Variants in SOX6 observed in about 807,000 individuals in gnomAD.
SOX6 encodes transcription factor SOX-6.
A neutral mutation model predicts 97.8 loss-of-function variants in SOX6; 11 were observed. The observed-to-expected ratio is 0.11, with a 90% CI of 0.07 to 0.19. The LOEUF (loss-of-function observed/expected upper bound fraction) is 0.19. Ranked by LOEUF, SOX6 falls within the 10% of genes least tolerant of loss-of-function variation. The pLI, the probability that SOX6 is intolerant of heterozygous loss-of-function variation, is 1.00. For missense variants in SOX6, 810 were observed against 1,039.5 expected, an observed-to-expected ratio of 0.78 and a Z score of 3.04; for synonymous variants, 360 against 371.4, an observed-to-expected ratio of 0.97 and a Z score of 0.35.
chr11:16,436,444 TATC>T (rs1478958454), intron 1 of SOX6, among the ~76,000 whole-genome samples: 1 of 152,068 alleles, frequency 6.6e-6, no homozygotes, highest in Non-Finnish European at 1.5e-5. Context: ...TACAGCCATA[TATC>T]ATCTATCACT....
chr11:16,209,568 T>A (rs1053357961), intron 4 of SOX6, among the ~76,000 whole-genome samples: 1 of 152,050 alleles, frequency 6.6e-6, no homozygotes, highest in African/African-American at 2.4e-5. Flanking sequence ...CTAGCCTGGA[T>A]AACATGGCAA....
rs559430079 is a variant in SOX6 at position 16,200,386 on chromosome 11, T to G, written c.536-13431A>C. ...TTTTTACAAGCTATCAGCAACCCCA[T>G]TTGAGAATCCTGTTCTACTTCTCAA... On this transcript the variant is annotated intron_variant, in intron 4 of 15. Coordinates refer to ENST00000683767, the MANE Select transcript of SOX6 (RefSeq NM_001367873.1). Among the ~76,000 whole-genome samples, 3 of 152,332 alleles carry G rather than the reference T, an allele frequency of 2.0e-5. No individual in the cohort carries two copies. In the East Asian group the frequency reaches 5.8e-4, roughly 29 times the overall value.
At chr11:16,344,564 C>A (rs1856725810) in intron 1 of SOX6, among the ~76,000 whole-genome samples, 1 of 151,830 alleles carries the variant, frequency 6.6e-6, no homozygotes, top group Non-Finnish European at 1.5e-5. Flanking sequence ...ATCAAATATA[C>A]CCATGTTTCA....
At chr11:16,338,410 T>TA (rs1856531426) in intron 2 of SOX6, among the ~76,000 whole-genome samples, 1 of 152,058 alleles carries the variant, frequency 6.6e-6, no homozygotes, top group Middle Eastern at 3.4e-3. Context: ...CCCAGAAACT[T>TA]AAAATCCTTC....
At chr11:16,242,192 C>A (rs934582690) in intron 3 of SOX6, among the ~76,000 whole-genome samples, 2 of 152,082 alleles carry the variant, frequency 1.3e-5, no homozygotes, top group Admixed American at 1.3e-4. Flanking sequence ...GGTAGTCTTG[C>A]ATAAGAGTAT....
intron 1 of SOX6, among the ~76,000 whole-genome samples, chr11:16,398,505 A>C (rs1858431761): frequency 6.6e-6 from 1 of 151,446 alleles, no homozygotes; most frequent in Non-Finnish European, 1.5e-5. Flanking sequence ...TTAACATAGC[A>C]GACACAATGT....
intron 6 of SOX6, among the ~76,000 whole-genome samples, chr11:16,138,825 T>C (rs1008008647): frequency 6.6e-6 from 1 of 152,122 alleles, no homozygotes; most frequent in African/African-American, 2.4e-5. Context: ...CTTGCGATAG[T>C]TTGCTGAGAA....
intron 3 of SOX6, among the ~76,000 whole-genome samples, chr11:16,665,376 G>GCTA (rs1847799708): frequency 6.6e-6 from 1 of 152,166 alleles, no homozygotes; most frequent in Non-Finnish European, 1.5e-5. Flanking sequence ...GAGACCTTGG[G>GCTA]CCTTGAATGA....
At chr11:16,559,527 C>G (rs1219230224) in intron 4 of SOX6, among the ~76,000 whole-genome samples, 1 of 151,166 alleles carries the variant, frequency 6.6e-6, no homozygotes, top group Non-Finnish European at 1.5e-5. Flanking sequence ...ATTCATTGCT[C>G]TTTGGTGCCA....
intron 3 of SOX6, among the ~76,000 whole-genome samples, chr11:16,661,865 A>G (rs1294755863): frequency 6.6e-6 from 1 of 152,156 alleles, no homozygotes; most frequent in East Asian, 1.9e-4. Context: ...AGCATTTTAT[A>G]TGATTATACT....
intron 4 of SOX6, among the ~76,000 whole-genome samples, chr11:16,206,369 T>C (rs577202918): frequency 6.6e-6 from 1 of 152,178 alleles, no homozygotes; most frequent in Admixed American, 6.5e-5. Flanking sequence ...TGAGGAAATA[T>C]AACTTTTAAT....
intron 1 of SOX6, among the ~76,000 whole-genome samples, chr11:16,363,099 T>C (rs192682171): frequency 1.4e-4 from 21 of 152,312 alleles, no homozygotes; most frequent in African/African-American, 4.6e-4. Flanking sequence ...CCTGCCCTTA[T>C]ATACTTGCAT....
chr11:16,661,596 G>A (rs1847766473), intron 3 of SOX6, among the ~76,000 whole-genome samples: 1 of 152,024 alleles, frequency 6.6e-6, no homozygotes, highest in South Asian at 2.1e-4. Flanking sequence ...CACGAAGGCT[G>A]AAGTACAGTG....
chr11:16,086,534 T>C (rs1848582012), intron 9 of SOX6, among the ~76,000 whole-genome samples: 1 of 152,036 alleles, frequency 6.6e-6, no homozygotes, highest in African/African-American at 2.4e-5. Context: ...CCCAGTATGG[T>C]CAAACATCTG....
intron 1 of SOX6, among the ~76,000 whole-genome samples, chr11:16,384,883 A>G (rs2134415446): frequency 6.6e-6 from 1 of 152,170 alleles, no homozygotes; most frequent in African/African-American, 2.4e-5. Flanking sequence ...ACTGAAGACC[A>G]TGTACAATTA....
intron 3 of SOX6, among the ~76,000 whole-genome samples, chr11:16,689,240 G>T (rs1424553759): frequency 6.6e-6 from 1 of 152,056 alleles, no homozygotes; most frequent in Non-Finnish European, 1.5e-5. Flanking sequence ...TCTCTAGAAA[G>T]AATTTTAAAG....
At chr11:16,186,468 A>G (rs1231451534) in intron 5 of SOX6, among the ~76,000 whole-genome samples, 1 of 152,154 alleles carries the variant, frequency 6.6e-6, no homozygotes, top group Admixed American at 6.5e-5. Context: ...ACTTACTCAT[A>G]GTGAAGCTAC....
intron 2 of SOX6, among the ~76,000 whole-genome samples, chr11:16,719,285 T>C (rs1166146851): frequency 1.3e-5 from 2 of 152,192 alleles, no homozygotes; most frequent in Non-Finnish European, 2.9e-5. Flanking sequence ...ATTTGCGTTG[T>C]TATGGGCCAA....
chr11:16,708,396 C>T (rs1848152872), intron 3 of SOX6, among the ~76,000 whole-genome samples: 1 of 152,110 alleles, frequency 6.6e-6, no homozygotes, highest in South Asian at 2.1e-4. Context: ...CTTTATGATT[C>T]CCCACAAGGT....
Sources: gnomAD v4.1 joint callset for allele counts (sites outside exome capture counted in the v4.1 genomes callset) on GRCh38, gnomAD v4.1.1 for gene constraint, MANE v1.5 for transcripts, NCBI Gene and HGNC (gene_info 2026-07-23, HGNC 2026-07-21) for gene names.